Variants in KSR2 observed in about 807,000 individuals in gnomAD.
KSR2 encodes kinase suppressor of ras 2.
A neutral mutation model predicts 107.8 loss-of-function variants in KSR2; 25 were observed. That is an observed-to-expected ratio of 0.23 (90% CI 0.17 to 0.32). The LOEUF is 0.32. KSR2 is among the 10% of genes least tolerant of loss of function. The pLI is 1.00. For missense variants in KSR2, 887 were observed against 1,268.9 expected, an observed-to-expected ratio of 0.70 and a Z score of 4.57; for synonymous variants, 480 against 507.0, an observed-to-expected ratio of 0.95 and a Z score of 0.71.
At chr12:117,663,059 C>G (rs1884507319) in intron 5 of KSR2, among the ~76,000 whole-genome samples, 1 of 152,176 alleles carries the variant, frequency 6.6e-6, no homozygotes, top group African/African-American at 2.4e-5. Flanking sequence ...GTGCTGCTTT[C>G]TAAGTGAGCA....
intron 1 of KSR2, among the ~76,000 whole-genome samples, chr12:117,931,975 A>ATTCT (rs1895705685): frequency 6.6e-6 from 1 of 152,202 alleles, no homozygotes; most frequent in Admixed American, 6.5e-5. Context: ...TAACTTAGAA[A>ATTCT]GACAACACTG....
intron 1 of KSR2, among the ~76,000 whole-genome samples, chr12:117,967,020 C>G (rs956544735): frequency 6.6e-6 from 1 of 152,154 alleles, no homozygotes; most frequent in Non-Finnish European, 1.5e-5. Context: ...TCAACCCATG[C>G]GTATAGCTGG....
In KSR2 at chr12:117,766,599, A is replaced by C. The variant is rs537672578; in HGVS notation, c.473-5075T>G. Among the ~76,000 whole-genome samples, 410 of 152,350 alleles carry C rather than the reference A, an allele frequency of 2.7e-3. 4 individuals are homozygous for C. The highest frequency in any genetic ancestry group is 9.5e-3 in the African/African-American group (395 of 41,592). On this transcript the variant is annotated intron_variant, in intron 3 of 19. Transcript: ENST00000339824. ...AGTAAGTACTCACAATACCAAACAC[A>C]GAATCCTAAGCTAGAAAAAGTGCAG...
At chr12:117,780,609 A>G (rs953411740) in intron 3 of KSR2, among the ~76,000 whole-genome samples, 5 of 152,198 alleles carry the variant, frequency 3.3e-5, no homozygotes, top group African/African-American at 1.2e-4. Context: ...AGCTCTGAAG[A>G]TGGATGGTGG....
chr12:117,954,882 T>A (rs934052857), intron 1 of KSR2, among the ~76,000 whole-genome samples: 2 of 151,918 alleles, frequency 1.3e-5, no homozygotes, highest in Non-Finnish European at 2.9e-5. Flanking sequence ...CTGGGCATGG[T>A]GGCATGTGCC....
At chr12:117,609,697 T>C (rs1881484255) in intron 5 of KSR2, among the ~76,000 whole-genome samples, 1 of 152,184 alleles carries the variant, frequency 6.6e-6, no homozygotes, top group Non-Finnish European at 1.5e-5. Context: ...ATGACAGGGC[T>C]CTCAAGGGTC....
chr12:117,926,886 GA>G (rs1895534966), intron 1 of KSR2, among the ~76,000 whole-genome samples: 1 of 152,126 alleles, frequency 6.6e-6, no homozygotes, highest in South Asian at 2.1e-4. Flanking sequence ...GTCCTTAGGG[GA>G]ATTACTTGAT....
At chr12:117,943,935 G>A (rs1896093594) in intron 1 of KSR2, among the ~76,000 whole-genome samples, 1 of 152,140 alleles carries the variant, frequency 6.6e-6, no homozygotes, top group South Asian at 2.1e-4. Context: ...CTTGCCTGCT[G>A]TCATGTTAAG....
At chr12:117,718,161 A>G (rs753789523) in intron 4 of KSR2, among the ~76,000 whole-genome samples, 10 of 152,254 alleles carry the variant, frequency 6.6e-5, no homozygotes, top group African/African-American at 4.8e-5. Context: ...ATGACTTTCA[A>G]TTCATACAGT....
At chr12:117,518,873 C>T (rs1255404810) in intron 14 of KSR2, among the ~76,000 whole-genome samples, 4 of 152,300 alleles carry the variant, frequency 2.6e-5, no homozygotes, top group African/African-American at 9.6e-5. Context: ...AATGTCACTT[C>T]CCCTATGAAG....
intron 3 of KSR2, among the ~76,000 whole-genome samples, chr12:117,851,349 G>A (rs1298758072): frequency 6.6e-6 from 1 of 152,220 alleles, no homozygotes; most frequent in East Asian, 1.9e-4. Flanking sequence ...AGCACTTTAG[G>A]AGGCCGAGGC....
At position 117,505,856 on chromosome 12, in the gene KSR2, C is replaced by A. The variant is rs143409277; in HGVS notation, c.2219+18996G>T. On this transcript the variant is annotated intron_variant, in intron 14 of 19. Coordinates refer to ENST00000339824, the MANE Select transcript of KSR2 (RefSeq NM_173598.6). Reference sequence around the variant, plus strand: ...CTAATCCCCATTTCTTCCAAAATGTCTTATTCCACAAGAAACAGCCCATTT... The same window carrying A: ...CTAATCCCCATTTCTTCCAAAATGTATTATTCCACAAGAAACAGCCCATTT... Among the ~76,000 whole-genome samples the A allele has an allele frequency of 8.0e-3, 1,221 of 152,304 alleles. 7 individuals carry two copies. Among genetic ancestry groups the A allele is most frequent in the African/African-American group, 0.023 (954 of 41,558 alleles).
At chr12:117,864,404 T>C (rs1401305639) in intron 1 of KSR2, among the ~76,000 whole-genome samples, 3 of 152,134 alleles carry the variant, frequency 2.0e-5, no homozygotes, top group African/African-American at 7.2e-5. Context: ...AAATAAATGT[T>C]GATGTAAATG....
intron 4 of KSR2, among the ~76,000 whole-genome samples, chr12:117,673,660 C>T (rs1388253714): frequency 6.6e-6 from 1 of 151,978 alleles, no homozygotes; most frequent in Non-Finnish European, 1.5e-5. Context: ...TTTCCATCCA[C>T]CCTCATTACC....
intron 4 of KSR2, among the ~76,000 whole-genome samples, chr12:117,683,405 C>T (rs1307279828): frequency 2.6e-5 from 4 of 151,912 alleles, no homozygotes; most frequent in African/African-American, 9.7e-5. Flanking sequence ...TTTTTGTTTC[C>T]TAAATGGCTG....
At chr12:117,801,049 AATAAGC>A (rs1347400515) in intron 3 of KSR2, among the ~76,000 whole-genome samples, 1 of 152,190 alleles carries the variant, frequency 6.6e-6, no homozygotes, top group African/African-American at 2.4e-5. Flanking sequence ...ATAGCGCTGC[AATAAGC>A]ATACGTGTGT....
intron 10 of KSR2, among the ~76,000 whole-genome samples, chr12:117,532,571 C>T (rs573518919): frequency 3.3e-4 from 50 of 152,150 alleles, no homozygotes; most frequent in Admixed American, 9.2e-4. Context: ...ACATCTTTTG[C>T]GAATTATTCT....
chr12:117,573,027 T>C (rs969041922), intron 7 of KSR2, among the ~76,000 whole-genome samples: 2 of 152,256 alleles, frequency 1.3e-5, no homozygotes, highest in African/African-American at 2.4e-5. Flanking sequence ...CTAAACTCCA[T>C]TCCGCTCTCA....
At chr12:117,619,142 C>A (rs925798633) in intron 5 of KSR2, among the ~76,000 whole-genome samples, 3 of 152,070 alleles carry the variant, frequency 2.0e-5, no homozygotes, top group Non-Finnish European at 4.4e-5. Flanking sequence ...AGGCTACCAA[C>A]CTGGTGCAAT....
Sources: gnomAD v4.1 joint callset for allele counts (sites outside exome capture counted in the v4.1 genomes callset) on GRCh38, gnomAD v4.1.1 for gene constraint, MANE v1.5 for transcripts, NCBI Gene and HGNC (gene_info 2026-07-23, HGNC 2026-07-21) for gene names.